The following CALD1 variants were observed in gnomAD, a reference collection of about 807,000 sequenced individuals.
CALD1 encodes the protein caldesmon 1.
Under a neutral mutation model 99.9 loss-of-function variants are expected in CALD1, and 33 were observed. The observed-to-expected ratio is 0.33, with a 90% confidence interval of 0.25 to 0.44. The LOEUF is 0.44. Ranked by LOEUF, CALD1 falls within the 20% of genes least tolerant of loss-of-function variation. The pLI is 1.00. For synonymous variants in CALD1, 310 were observed against 325.0 expected (o/e 0.95, Z 0.50); for missense variants, 861 against 962.1 (o/e 0.89, Z 1.39).
chr7:134,728,122 A>G, the CALD1 span, among the ~76,000 whole-genome samples: 32 of 176 alleles, frequency 0.18, no homozygotes, highest in Non-Finnish European at 0.25. Context: ...AATGGTGATG[A>G]GTTCTTTGTG....
chr7:134,728,528 G>C, the CALD1 span, among the ~76,000 whole-genome samples: 1 of 152,180 alleles, frequency 6.6e-6, no homozygotes, highest in Non-Finnish European at 1.5e-5. Context: ...TGTTATAGTT[G>C]ACGATATACA....
intron 1 of CALD1, among the ~76,000 whole-genome samples, chr7:134,827,460 C>G (rs183106176): frequency 1.2e-4 from 18 of 152,326 alleles, no homozygotes; most frequent in Non-Finnish European, 2.2e-4. Context: ...TACCCCATTT[C>G]CCTCTCACAA....
At chr7:134,787,250 G>A (rs1229163109) in intron 1 of CALD1, among the ~76,000 whole-genome samples, 2 of 152,070 alleles carry the variant, frequency 1.3e-5, no homozygotes, top group Non-Finnish European at 2.9e-5. Flanking sequence ...TTTTTCTGAT[G>A]AGATTTCCAG....
At chr7:134,781,346 A>G (rs1384028562) in intron 1 of CALD1, among the ~76,000 whole-genome samples, 3 of 152,160 alleles carry the variant, frequency 2.0e-5, no homozygotes, top group Admixed American at 6.6e-5. Flanking sequence ...ACATCTCCGA[A>G]TCCCTGAAAG....
At chr7:134,954,138 C>G (rs57614887) in intron 9 of CALD1, among the ~76,000 whole-genome samples, 6,945 of 152,262 alleles carry the variant, frequency 0.046, 522 homozygotes, top group African/African-American at 0.16. Context: ...CTACCAACTA[C>G]TGTATTTTTA....
At chr7:134,723,018 A>C in the CALD1 span, among the ~76,000 whole-genome samples, 1 of 152,174 alleles carries the variant, frequency 6.6e-6, no homozygotes. Context: ...CAGAGGCACC[A>C]GGATTCTAAC....
At chr7:134,712,866 A>G in the CALD1 span, among the ~76,000 whole-genome samples, 33 of 152,360 alleles carry the variant, frequency 2.2e-4, no homozygotes, top group Non-Finnish European at 3.8e-4. Context: ...AAGAGAAGAA[A>G]GTCGTTAAAA....
intron 3 of CALD1, among the ~76,000 whole-genome samples, chr7:134,926,112 C>CT (rs1447852863): frequency 2.0e-5 from 3 of 152,138 alleles, no homozygotes; most frequent in African/African-American, 7.2e-5. Flanking sequence ...ACCTCAAATT[C>CT]AACAAGTCTA....
At chr7:134,773,348 C>A (rs1796891391) in intron 1 of CALD1, among the ~76,000 whole-genome samples, 1 of 151,476 alleles carries the variant, frequency 6.6e-6, no homozygotes, top group African/African-American at 2.4e-5. Context: ...AATCATGGCT[C>A]ACTGCGGCCT....
chr7:134,946,837 C>G (rs968345291), intron 7 of CALD1, among the ~76,000 whole-genome samples: 1 of 151,810 alleles, frequency 6.6e-6, no homozygotes, highest in African/African-American at 2.4e-5. Context: ...CACGCCGCCA[C>G]GCCCGGCTAA....
chr7:134,850,814 T>A (rs1322793891), intron 2 of CALD1, among the ~76,000 whole-genome samples: 1 of 152,196 alleles, frequency 6.6e-6, no homozygotes, highest in Non-Finnish European at 1.5e-5. Context: ...TCATGTGTCA[T>A]GGGAGGGACC....
chr7:134,802,735 AT>A (rs1797993001), intron 1 of CALD1, among the ~76,000 whole-genome samples: 1 of 152,266 alleles, frequency 6.6e-6, no homozygotes, highest in Admixed American at 6.5e-5. Context: ...TGTACTGCAT[AT>A]CACTAGCCAG....
At chr7:134,825,082 T>C (rs1255089206) in intron 1 of CALD1, among the ~76,000 whole-genome samples, 1 of 152,190 alleles carries the variant, frequency 6.6e-6, no homozygotes. Flanking sequence ...AAGTAATAGA[T>C]TCCAAGTGTT....
intron 3 of CALD1, among the ~76,000 whole-genome samples, chr7:134,898,168 T>A (rs1407024545): frequency 6.6e-6 from 1 of 152,214 alleles, no homozygotes. Context: ...CAGTAATCAG[T>A]ACTGTGATCT....
At chr7:134,792,937 T>C (rs1797600726) in intron 1 of CALD1, among the ~76,000 whole-genome samples, 1 of 152,266 alleles carries the variant, frequency 6.6e-6, no homozygotes, top group Non-Finnish European at 1.5e-5. Flanking sequence ...ACTTTCTGCC[T>C]TTCTCAATAT....
At chr7:134,952,787 G>T (rs1022920719) in intron 9 of CALD1, among the ~76,000 whole-genome samples, 1 of 152,192 alleles carries the variant, frequency 6.6e-6, no homozygotes. Flanking sequence ...CTTTATGATG[G>T]TCTAGGTCCC....
At chr7:134,888,785 C>T (rs1185004185) in intron 3 of CALD1, among the ~76,000 whole-genome samples, 1 of 152,210 alleles carries the variant, frequency 6.6e-6, no homozygotes, top group Non-Finnish European at 1.5e-5. Context: ...TTCCCAAATG[C>T]ATGCCCCTAA....
intron 3 of CALD1, among the ~76,000 whole-genome samples, chr7:134,916,892 G>C (rs958989248): frequency 2.6e-5 from 4 of 152,180 alleles, no homozygotes; most frequent in Non-Finnish European, 5.9e-5. Flanking sequence ...TTATCTAAAA[G>C]GAGTTCATAT....
At chr7:134,787,885 G>A (rs967490219) in intron 1 of CALD1, among the ~76,000 whole-genome samples, 2 of 152,026 alleles carry the variant, frequency 1.3e-5, no homozygotes, top group Non-Finnish European at 2.9e-5. Flanking sequence ...CATGCTCTTC[G>A]GTTTAGAGGG....
Sources: allele counts gnomAD v4.1 joint callset (sites outside exome capture counted in the v4.1 genomes callset), GRCh38; gene constraint gnomAD v4.1.1; transcripts MANE v1.5; gene names NCBI Gene and HGNC (gene_info 2026-07-23, HGNC 2026-07-21).